Variants in MYCBP2 observed in about 807,000 individuals in gnomAD.
MYCBP2 encodes E3 ubiquitin-protein ligase MYCBP2.
Under a neutral mutation model 525.3 loss-of-function variants are expected in MYCBP2, and 120 were observed. The ratio of observed to expected loss-of-function variants is 0.23; its 90% CI spans 0.20 to 0.27. The LOEUF is 0.27. Ranked by LOEUF, MYCBP2 falls within the 10% of genes least tolerant of loss-of-function variation. MYCBP2 has a pLI of 1.00. For synonymous variants in MYCBP2, 1,894 were observed against 1,955.8 expected, an observed-to-expected ratio of 0.97 and a Z score of 0.83; for missense variants, 4,149 against 5,657.1, an observed-to-expected ratio of 0.73 and a Z score of 8.55.
chr13:77,058,088 C>A lies in MYCBP2; in HGVS notation c.13329+130G>T. The A allele has an allele frequency of 1.1e-6, 1 of 939,990 alleles. No homozygotes were observed. The allele number at this position is 939,990 out of a possible 1,614,324, so 58.2% of individuals were successfully genotyped here. ...ATCTCCTGACCTCGTGATCCACCTGCCTCGGCCTCCCAAAGTGCTGGGATT... is the reference window on the plus strand; with the variant it reads ...ATCTCCTGACCTCGTGATCCACCTGACTCGGCCTCCCAAAGTGCTGGGATT... On this transcript the variant is annotated intron_variant, in intron 78 of 82. Coordinates refer to ENST00000544440, the MANE Select transcript of MYCBP2 (RefSeq NM_015057.5). The surrounding 1 kb of genome is among the most constrained non-coding windows in gnomAD (Gnocchi z 4.1).
At chr13:77,324,892 T>C (rs2082108078) in intron 1 of MYCBP2, among the ~76,000 whole-genome samples, 3 of 152,262 alleles carry the variant, frequency 2.0e-5, no homozygotes, top group Non-Finnish European at 4.4e-5. Context: ...AAGATGTTCC[T>C]GCGGTGCCAT....
At chr13:77,266,527 T>C (rs1361150816) in intron 8 of MYCBP2, among the ~76,000 whole-genome samples, 1 of 152,018 alleles carries the variant, frequency 6.6e-6, no homozygotes, top group Non-Finnish European at 1.5e-5. Context: ...GAAGGATATT[T>C]ACCAATATGT....
chr13:77,230,337 A>G (rs901501742), intron 18 of MYCBP2, among the ~76,000 whole-genome samples: 2 of 152,222 alleles, frequency 1.3e-5, no homozygotes, highest in Non-Finnish European at 2.9e-5. Flanking sequence ...GAACATAGCA[A>G]TCAATACCAT....
chr13:77,141,082 T>C (rs2054537888), intron 49 of MYCBP2, 139 bp from the exon 50 acceptor site: 2 of 603,652 alleles, frequency 3.3e-6, no homozygotes, highest in Non-Finnish European at 5.7e-6. Context: ...AGGTGATGGA[T>C]ATTTAATAGG....
At chr13:77,247,083 T>C (rs2070171816) in intron 15 of MYCBP2, among the ~76,000 whole-genome samples, 1 of 152,100 alleles carries the variant, frequency 6.6e-6, no homozygotes, top group East Asian at 1.9e-4. Flanking sequence ...TGACCAATCC[T>C]AAACAGCACT....
At position 77,260,643 on chromosome 13, in the gene MYCBP2, T is replaced by C. The variant is rs370377727; in HGVS notation, c.1853-51A>G. The C allele has an allele frequency of 7.1e-6, 10 of 1,409,558 alleles. No individual in the cohort carries two copies. In the African/African-American group the frequency reaches 7.4e-5, roughly 11 times the overall value. The allele number at this position is 1,409,558 out of a possible 1,614,324, so 87.3% of individuals were successfully genotyped here. On this transcript the variant is annotated intron_variant, in intron 12 of 82. Transcript: ENST00000544440. ...CAAGACCTCTATGTACAAATAATAA[T>C]AATAATGGTTTGTATATAAAGCTAA...
At chr13:77,061,365 A>C (rs1040338087) in intron 75 of MYCBP2, 64 bp from the exon 76 acceptor site, 3 of 1,331,404 alleles carry the variant, frequency 2.3e-6, no homozygotes, top group Admixed American at 5.1e-5. Flanking sequence ...GGAGAGTATA[A>C]AATTTAATTA....
chr13:77,166,212 T>G (rs1286513019), intron 41 of MYCBP2, 117 bp downstream of exon 41: 1 of 737,196 alleles, frequency 1.4e-6, no homozygotes, highest in African/African-American at 1.8e-5. Flanking sequence ...AGATACATAG[T>G]AGGTCTTTAA....
chr13:77,261,411 T>C (rs775729311), intron 11 of MYCBP2, 36 bp from the exon 12 acceptor site: 2 of 1,500,148 alleles, frequency 1.3e-6, no homozygotes, highest in Non-Finnish European at 1.8e-6. Flanking sequence ...TTATGGTACT[T>C]TTTGGAATAG....
rs937580186 is a variant in MYCBP2 at position 77,083,067 on chromosome 13, G to A, written c.11001C>T (p.Leu3667=). 2.5e-6 allele frequency: 4 copies of A among 1,613,242 alleles called. No individual in the cohort carries two copies. Among genetic ancestry groups the A allele is most frequent in the Non-Finnish European group, 3.4e-6 (4 of 1,179,548 alleles). ...TTTGCTGTAATGAACTGCCGCTGGG[G>A]AGAGACATCATAAGGTCTGAGATGG... ...LQTISDLMMS[L]PSGSSLQQMA... Residue 3667 remains leucine (L), a synonymous_variant, in exon 63 of 83, where the codon CTC becomes CTT. Transcript: ENST00000544440.
chr13:77,304,775 A>G (rs2079199910), intron 1 of MYCBP2, among the ~76,000 whole-genome samples: 1 of 152,118 alleles, frequency 6.6e-6, no homozygotes, highest in African/African-American at 2.4e-5. Flanking sequence ...ATATTTTAAA[A>G]TAAAATGAAA....
rs750754868 is a variant in MYCBP2, at chr13:77,090,269, CAT to C, written c.10368-8_10368-7del. Reference sequence around the variant, plus strand: ...TTATGGGACTGGTTTCTAAACTGTACATGGAACAATGCAACAGATACAAACTC... The same window carrying C: ...TTATGGGACTGGTTTCTAAACTGTACGGAACAATGCAACAGATACAAACTC... On this transcript the variant is annotated splice_polypyrimidine_tract_variant and splice_region_variant and intron_variant, in intron 59 of 82. Transcript: ENST00000544440. 48 of 1,603,262 alleles carry C rather than the reference CAT, an allele frequency of 3.0e-5. No homozygotes were observed. The East Asian group carries it at 9.7e-4, about 32-fold the overall frequency.
chr13:77,201,442 A>T (rs1177433638), intron 26 of MYCBP2, among the ~76,000 whole-genome samples: 7 of 152,132 alleles, frequency 4.6e-5, no homozygotes, highest in South Asian at 2.1e-4. Flanking sequence ...ACATTAATAA[A>T]GGGAGACTTT....
At chr13:77,251,839 A>T (rs2071264397) in intron 14 of MYCBP2, among the ~76,000 whole-genome samples, 1 of 152,218 alleles carries the variant, frequency 6.6e-6, no homozygotes, top group Admixed American at 6.5e-5. Context: ...AGTAGGCACA[A>T]GATGGCTCCT....
At chr13:77,118,348 T>A (rs763083028) in intron 55 of MYCBP2, 48 of 759,710 alleles carry the variant, frequency 6.3e-5, no homozygotes, top group Non-Finnish European at 9.9e-5. Flanking sequence ...ACTCTGAAGC[T>A]GAGGCTGCTG....
intron 66 of MYCBP2, 75 bp from the exon 67 acceptor site, chr13:77,077,462 T>C (rs2042509090): frequency 1.3e-6 from 2 of 1,535,662 alleles, no homozygotes; most frequent in Non-Finnish European, 1.8e-6. Context: ...TTAGCATTGA[T>C]ACCAGCAAGC....
At chr13:77,122,920 T>C (rs1056656522) in intron 54 of MYCBP2, among the ~76,000 whole-genome samples, 1 of 152,162 alleles carries the variant, frequency 6.6e-6, no homozygotes, top group African/African-American at 2.4e-5. Flanking sequence ...AGAATGTTTC[T>C]TCAGAAAAAC....
Position 77,067,726 on chromosome 13 carries a change from C to G in MYCBP2, c.12310G>C (p.Gly4104Arg). ...CATCCTAGAAACATGTCCAAGATAC[C>G]CAGCTTATTCCAGTCTCCTTTCTCT... Reference protein sequence around the residue: ...STEKGDWNKLGILDMFLGCIA... With the variant: ...STEKGDWNKLRILDMFLGCIA... The change falls in exon 71 of 83, where the codon GGT (glycine) becomes CGT (arginine). Residue 4104 changes from glycine to arginine, a missense_variant. Gly to Arg is a moderately radical substitution (Grantham distance 125, BLOSUM62 -2). Transcript: ENST00000544440. 1 of 1,614,038 alleles carries G rather than the reference C, an allele frequency of 6.2e-7. No homozygotes were observed. The highest frequency in any genetic ancestry group is 8.5e-7 in the Non-Finnish European group (1 of 1,180,004).
intron 17 of MYCBP2, among the ~76,000 whole-genome samples, chr13:77,242,022 C>CA (rs570322489): frequency 6.7e-6 from 1 of 148,644 alleles, no homozygotes; most frequent in African/African-American, 2.5e-5. Flanking sequence ...CTTAATCCTA[C>CA]AAAAAAAAAA....
Sources: gnomAD v4.1 joint callset for allele counts (sites outside exome capture counted in the v4.1 genomes callset) on GRCh38, gnomAD v4.1.1 for gene constraint, Gnocchi (gnomAD v3.1) non-coding constraint, MANE v1.5 for transcripts, NCBI Gene and HGNC (gene_info 2026-07-23, HGNC 2026-07-21) for gene names.